Variants in TRAPPC12 observed in about 807,000 individuals in gnomAD.
TRAPPC12 encodes the protein trafficking protein particle complex subunit 12.
Under a neutral mutation model 69.2 loss-of-function variants are expected in TRAPPC12, and 61 were observed. The ratio of observed to expected loss-of-function variants is 0.88; its 90% CI spans 0.72 to 1.09. The LOEUF (loss-of-function observed/expected upper bound fraction) is 1.09. TRAPPC12 is among the 50% of genes least tolerant of loss of function. The pLI is 0.00. For missense variants in TRAPPC12, 1,101 were observed against 1,016.4 expected, an observed-to-expected ratio of 1.08 and a Z score of -1.13; for synonymous variants, 469 against 438.9, an observed-to-expected ratio of 1.07 and a Z score of -0.86.
At chr2:3,420,176 G>A (rs761361678) in intron 3 of TRAPPC12, among the ~76,000 whole-genome samples, 1 of 152,080 alleles carries the variant, frequency 6.6e-6, no homozygotes, top group Non-Finnish European at 1.5e-5. Flanking sequence ...ACAGTAGGAT[G>A]TTCAGCATTT....
intron 2 of TRAPPC12, among the ~76,000 whole-genome samples, chr2:3,397,671 G>A (rs1177061893): frequency 6.6e-6 from 1 of 152,312 alleles, no homozygotes; most frequent in South Asian, 2.1e-4. Context: ...GTTATAAATT[G>A]TAGCTGGGTT....
intron 3 of TRAPPC12, among the ~76,000 whole-genome samples, chr2:3,417,353 C>T (rs1381186689): frequency 6.6e-6 from 1 of 152,188 alleles, no homozygotes; most frequent in Admixed American, 6.5e-5. Flanking sequence ...CTGCCTGCTG[C>T]TCTCCTCCTG....
At chr2:3,421,819 G>A (rs1419393783) in intron 3 of TRAPPC12, 62 bp from the exon 4 acceptor site, 3 of 1,470,488 alleles carry the variant, frequency 2.0e-6, no homozygotes, top group Admixed American at 1.7e-5. Context: ...TATGCGTTTG[G>A]GTCATGGATT....
chr2:3,435,361 CA>C (rs1326208918), intron 5 of TRAPPC12, among the ~76,000 whole-genome samples: 1 of 152,182 alleles, frequency 6.6e-6, no homozygotes, highest in East Asian at 1.9e-4. Context: ...GGCTCATTAA[CA>C]TTTTTTTAAA....
At chr2:3,408,421 G>A (rs913316203) in intron 3 of TRAPPC12, among the ~76,000 whole-genome samples, 1 of 152,168 alleles carries the variant, frequency 6.6e-6, no homozygotes, top group African/African-American at 2.4e-5. Context: ...GAGCCCAGGA[G>A]TTCAAGACCA....
chr2:3,463,209 C>G (rs1311605402), intron 8 of TRAPPC12: 1 of 291,470 alleles, frequency 3.4e-6, no homozygotes, highest in African/African-American at 2.3e-5. Context: ...ATTAAGTAAC[C>G]GTCAACCTAA....
chr2:3,429,725 T>C (rs1385916911), intron 5 of TRAPPC12, among the ~76,000 whole-genome samples: 2 of 152,264 alleles, frequency 1.3e-5, no homozygotes, highest in Non-Finnish European at 2.9e-5. Flanking sequence ...CTATTTACTT[T>C]TGTTCTAACC....
chr2:3,427,280 G>C (rs1224054220), intron 5 of TRAPPC12, among the ~76,000 whole-genome samples: 1 of 152,198 alleles, frequency 6.6e-6, no homozygotes, highest in Admixed American at 6.5e-5. Context: ...GTCCCGGGAG[G>C]GGGCTGGACC....
At chr2:3,389,701 T>C in intron 2 of TRAPPC12, 1 of 471,016 alleles carries the variant, frequency 2.1e-6, no homozygotes. Flanking sequence ...GTTATTGCTG[T>C]CTTGGTACCT....
rs555280809 is a variant in TRAPPC12 at position 3,389,686 on chromosome 2, A to G, written c.1047+1016A>G. 3.0e-4 allele frequency: 140 copies of G among 471,018 alleles called. 1 individual carries two copies. The highest frequency in any genetic ancestry group is 6.5e-4 in the Middle Eastern group (2 of 3,098). The allele number at this position is 471,018 out of a possible 1,614,324, so 29.2% of individuals were successfully genotyped here. On this transcript the variant is annotated intron_variant, in intron 2 of 11. Transcript: ENST00000324266. ...CGAAGGGGGTGGGGGATGGAGGGTT[A>G]CAGTGTTATTGCTGTCTTGGTACCT... is the stretch of plus-strand genomic sequence containing the variant.
rs775656481 is a variant in TRAPPC12 at position 3,387,655 on chromosome 2, C to T, written c.32C>T (p.Pro11Leu). ...GACGCTGGCGGCGGCGAGGAGACCC[C>T]GGCCCCGGAGGCCCCGCACCCCCCT... MEDAGGGEET[P>L]APEAPHPPQL... Residue 11 changes from proline (P) to leucine (L), a missense_variant, in exon 2 of 12, where the codon CCG becomes CTG. Pro to Leu is a moderately conservative substitution (Grantham distance 98). Transcript: ENST00000324266. The T allele has an allele frequency of 2.6e-6, 4 of 1,547,464 alleles. No homozygotes were observed. The highest frequency in any genetic ancestry group is 2.4e-5 in the South Asian group (2 of 83,908).
intron 3 of TRAPPC12, among the ~76,000 whole-genome samples, chr2:3,403,182 T>A (rs1350090108): frequency 3.9e-5 from 6 of 152,158 alleles, no homozygotes; most frequent in Non-Finnish European, 8.8e-5. Flanking sequence ...CCATCTTGTT[T>A]TTCTCAATTG....
intron 3 of TRAPPC12, among the ~76,000 whole-genome samples, chr2:3,405,201 T>C (rs1157600992): frequency 2.0e-5 from 3 of 151,914 alleles, no homozygotes; most frequent in South Asian, 4.2e-4. Context: ...GAAAGGAGGA[T>C]GAATTTTACT....
intron 9 of TRAPPC12, among the ~76,000 whole-genome samples, chr2:3,466,877 G>T (rs1347834184): frequency 6.6e-6 from 1 of 152,188 alleles, no homozygotes; most frequent in Non-Finnish European, 1.5e-5. Context: ...GTGTGGCCAG[G>T]ATCTCCAGGC....
At chr2:3,387,551 A>AATACTC in intron 1 of TRAPPC12, 69 bp from the exon 2 acceptor site, 2 of 1,191,360 alleles carry the variant, frequency 1.7e-6, no homozygotes, top group South Asian at 1.6e-5. Context: ...ATCTATAAGC[A>AATACTC]ATACTCATTT....
Position 3,387,608 on chromosome 2 carries a change from CTT to C in TRAPPC12, c.-4-10_-4-9del, listed in dbSNP as rs1660551574. On this transcript the variant is annotated splice_polypyrimidine_tract_variant and intron_variant, in intron 1 of 11. Transcript: ENST00000324266. Reference sequence around the variant, plus strand: ...TCACGCTCAGGGGCCTTCTCTCTGTCTTTGCTTTCAGGGTCATGGAGGACGCT... The same window carrying C: ...TCACGCTCAGGGGCCTTCTCTCTGTCTGCTTTCAGGGTCATGGAGGACGCT... 1 of 1,513,474 alleles carries C rather than the reference CTT, an allele frequency of 6.6e-7. No homozygotes were observed. The highest frequency in any genetic ancestry group is 1.4e-5 in the African/African-American group (1 of 71,468). 93.8% of individuals were successfully genotyped at this position (1,513,474 alleles called of 1,614,324 possible).
chr2:3,479,082 C>G (rs909094411), intron 11 of TRAPPC12, 137 bp from the exon 12 acceptor site: 3 of 1,511,016 alleles, frequency 2.0e-6, no homozygotes, highest in South Asian at 1.3e-5. Flanking sequence ...GGGAAGTGAC[C>G]CAACAGGGCC....
intron 1 of TRAPPC12, among the ~76,000 whole-genome samples, chr2:3,382,957 T>G (rs1158266375): frequency 6.6e-6 from 1 of 152,134 alleles, no homozygotes; most frequent in African/African-American, 2.4e-5. Context: ...ATAATAGAAA[T>G]AACTTAAACC....
intron 5 of TRAPPC12, among the ~76,000 whole-genome samples, chr2:3,434,376 TC>T (rs1421673601): frequency 6.6e-6 from 1 of 152,222 alleles, no homozygotes; most frequent in Non-Finnish European, 1.5e-5. Context: ...CTGATTTAAT[TC>T]CCTACATTTT....
Sources: gnomAD v4.1 joint callset for allele counts (sites outside exome capture counted in the v4.1 genomes callset) on GRCh38, gnomAD v4.1.1 for gene constraint, MANE v1.5 for transcripts, NCBI Gene and HGNC (gene_info 2026-07-23, HGNC 2026-07-21) for gene names.